NELL2: variants seen among roughly 807,000 people sequenced by gnomAD.
The protein encoded by NELL2 is protein kinase C-binding protein NELL2.
A neutral mutation model predicts 109.6 loss-of-function variants in NELL2; 41 were observed. The observed-to-expected ratio is 0.37, with a 90% confidence interval of 0.29 to 0.49. The LOEUF is 0.49. Among genes scored for constraint, NELL2 ranks in the 20% least tolerant of loss-of-function variants. NELL2 has a pLI of 0.98. For missense variants in NELL2, 900 were observed against 1,008.3 expected, an observed-to-expected ratio of 0.89 and a Z score of 1.45; for synonymous variants, 355 against 344.7, an observed-to-expected ratio of 1.03 and a Z score of -0.33.
chr12:44,782,903 C>T (rs2408053), intron 3 of NELL2, among the ~76,000 whole-genome samples: 36,130 of 151,840 alleles, frequency 0.24, 4,583 homozygotes, highest in South Asian at 0.3. Context: ...CCACTCAACA[C>T]TTATAGAACA....
intron 9 of NELL2, among the ~76,000 whole-genome samples, chr12:44,745,135 A>C (rs1940256585): frequency 6.6e-6 from 1 of 152,236 alleles, no homozygotes; most frequent in Non-Finnish European, 1.5e-5. Context: ...CCTGGGATGC[A>C]AGGCTGGTTC....
At chr12:44,598,951 TAGG>T (rs766587086) in intron 15 of NELL2, among the ~76,000 whole-genome samples, 4 of 151,580 alleles carry the variant, frequency 2.6e-5, no homozygotes, top group South Asian at 4.2e-4. Flanking sequence ...CACAGGCGAT[TAGG>T]AGGAGACATT....
chr12:44,578,839 G>A (rs1352279558), intron 15 of NELL2, among the ~76,000 whole-genome samples: 1 of 152,116 alleles, frequency 6.6e-6, no homozygotes, highest in Non-Finnish European at 1.5e-5. Context: ...ATGTCTTAAG[G>A]TGATGGTCAA....
At chr12:44,737,895 A>C (rs1939736859) in intron 9 of NELL2, among the ~76,000 whole-genome samples, 1 of 152,128 alleles carries the variant, frequency 6.6e-6, no homozygotes, top group Non-Finnish European at 1.5e-5. Flanking sequence ...GCTGCAAAAA[A>C]AAAAAATGTA....
chr12:44,777,559 A>C lies in NELL2; in HGVS notation c.607-245T>G, dbSNP rs975085. ...TAAAGCCTTAAGATTAAATGTCAAG[A>C]TATAACTAAGAGGCAATAGTTATGT... On this transcript the variant is annotated intron_variant, in intron 5 of 19. Coordinates refer to ENST00000429094, the MANE Select transcript of NELL2 (RefSeq NM_001145108.2). 0.48 allele frequency among the ~76,000 whole-genome samples: 72,597 copies of C among 151,974 alleles called. 18,113 individuals are homozygous for C. The highest frequency in any genetic ancestry group is 0.55 in the Non-Finnish European group (37,446 of 67,930).
intron 13 of NELL2, among the ~76,000 whole-genome samples, chr12:44,652,364 G>A (rs1386852206): frequency 6.6e-6 from 1 of 152,116 alleles, no homozygotes; most frequent in African/African-American, 2.4e-5. Context: ...CTATTTCTGT[G>A]TGATTTTGTG....
intron 13 of NELL2, among the ~76,000 whole-genome samples, chr12:44,617,264 C>T (rs1945853687): frequency 6.6e-6 from 1 of 152,050 alleles, no homozygotes; most frequent in Non-Finnish European, 1.5e-5. Flanking sequence ...AACAGGGAGG[C>T]AGTGTATATA....
In NELL2 at chr12:44,644,606, ATG is replaced by A. The variant is rs1421388527; in HGVS notation, c.1444+20876_1444+20877del. Among the ~76,000 whole-genome samples, 312 of 76,322 alleles carry A rather than the reference ATG, an allele frequency of 4.1e-3. 3 individuals carry two copies. Among genetic ancestry groups the A allele is most frequent in the East Asian group, 0.038 (98 of 2,546 alleles). The allele number at this position is 76,322 out of a possible 152,430, so 50.1% of individuals were successfully genotyped here. On this transcript the variant is annotated intron_variant, in intron 13 of 19. Coordinates refer to ENST00000429094, the MANE Select transcript of NELL2 (RefSeq NM_001145108.2). ...TATATATATATATATATATATATGT[ATG>A]TATATATATATATATATACATACAT... is the stretch of plus-strand genomic sequence containing the variant.
intron 9 of NELL2, among the ~76,000 whole-genome samples, chr12:44,747,198 G>T (rs1373885649): frequency 1.3e-5 from 2 of 151,456 alleles, no homozygotes; most frequent in Non-Finnish European, 2.9e-5. Flanking sequence ...CTATCGCAAG[G>T]ACAAAAAACC....
intron 15 of NELL2, among the ~76,000 whole-genome samples, chr12:44,566,226 A>G (rs1943651598): frequency 6.6e-6 from 1 of 152,190 alleles, no homozygotes; most frequent in Non-Finnish European, 1.5e-5. Flanking sequence ...GATGTAAAAG[A>G]TATTTCCAAG....
intron 1 of NELL2, among the ~76,000 whole-genome samples, chr12:44,900,876 C>A (rs777272857): frequency 1.3e-5 from 2 of 152,074 alleles, no homozygotes; most frequent in Non-Finnish European, 2.9e-5. Flanking sequence ...GTAGTCCCAG[C>A]TACTCAAGAG....
intron 2 of NELL2, among the ~76,000 whole-genome samples, chr12:44,833,088 G>A (rs554354073): frequency 6.6e-6 from 1 of 152,288 alleles, no homozygotes; most frequent in Non-Finnish European, 1.5e-5. Context: ...AGTTTTGGGG[G>A]TAGTTGTGAG....
intron 15 of NELL2, among the ~76,000 whole-genome samples, chr12:44,598,240 G>GT (rs11356738): frequency 2.3e-4 from 34 of 147,202 alleles, no homozygotes; most frequent in African/African-American, 3.2e-4. Flanking sequence ...CTGCTGTAAG[G>GT]TTTTTTTTTT....
chr12:44,849,736 A>C (rs1944477077), intron 2 of NELL2, among the ~76,000 whole-genome samples: 1 of 152,294 alleles, frequency 6.6e-6, no homozygotes, highest in Middle Eastern at 3.4e-3. Flanking sequence ...ACTAGAAAAA[A>C]CCCAGGTGTT....
chr12:44,803,122 A>G (rs765463094), intron 3 of NELL2, among the ~76,000 whole-genome samples: 28 of 152,050 alleles, frequency 1.8e-4, no homozygotes, highest in Non-Finnish European at 3.8e-4. Flanking sequence ...CAAGATGAGT[A>G]ACAAGTAAAC....
intron 13 of NELL2, among the ~76,000 whole-genome samples, chr12:44,665,104 T>C (rs1947877969): frequency 6.6e-6 from 1 of 152,144 alleles, no homozygotes. Flanking sequence ...TCTAAATCTA[T>C]CTCTGAAAAA....
intron 3 of NELL2, among the ~76,000 whole-genome samples, chr12:44,792,302 T>G (rs1282595536): frequency 6.6e-6 from 1 of 152,078 alleles, no homozygotes; most frequent in Non-Finnish European, 1.5e-5. Context: ...ATGGAGACAC[T>G]TTGAAAGAAA....
intron 9 of NELL2, among the ~76,000 whole-genome samples, chr12:44,724,798 G>A (rs1458146485): frequency 7.5e-6 from 1 of 132,742 alleles, no homozygotes; most frequent in African/African-American, 2.9e-5. Context: ...AGCCTAAATA[G>A]ACAAGGCAAT....
chr12:44,818,750 T>A (rs1292564406), intron 2 of NELL2, among the ~76,000 whole-genome samples: 2 of 137,106 alleles, frequency 1.5e-5, no homozygotes, highest in African/African-American at 2.7e-5. Flanking sequence ...TTTTTTTTTT[T>A]TTTGAGACGG....
Sources: gnomAD v4.1 joint callset for allele counts (sites outside exome capture counted in the v4.1 genomes callset) on GRCh38, gnomAD v4.1.1 for gene constraint, MANE v1.5 for transcripts, NCBI Gene and HGNC (gene_info 2026-07-23, HGNC 2026-07-21) for gene names.